Variants in C1orf159 observed in about 807,000 individuals in gnomAD.
The protein encoded by C1orf159 is chromosome 1 open reading frame 159, also known as uncharacterized protein C1orf159.
A neutral mutation model predicts 25.6 loss-of-function variants in C1orf159; 19 were observed. The observed-to-expected ratio is 0.74, with a 90% CI of 0.52 to 1.09. The LOEUF is 1.09. Ranked by LOEUF, C1orf159 falls within the 50% of genes least tolerant of loss-of-function variation. The pLI is 0.00. For missense variants in C1orf159, 274 were observed against 290.6 expected (o/e 0.94, Z 0.42); for synonymous variants, 139 against 124.7 (o/e 1.12, Z -0.77).
chr1:1,102,453 C>G (rs1646114576), intron 1 of C1orf159, among the ~76,000 whole-genome samples: 1 of 150,390 alleles, frequency 6.6e-6, no homozygotes, highest in Admixed American at 6.6e-5. Flanking sequence ...TCTGTTATTT[C>G]CCTTCTGTTA....
chr1:1,095,284 T>C (rs1028171531), intron 1 of C1orf159, among the ~76,000 whole-genome samples: 2 of 152,258 alleles, frequency 1.3e-5, no homozygotes, highest in African/African-American at 2.4e-5. Flanking sequence ...GCCGATGTTT[T>C]AACAGGATTG....
chr1:1,105,596 T>C, intron 1 of C1orf159, among the ~76,000 whole-genome samples: 1 of 152,100 alleles, frequency 6.6e-6, no homozygotes, highest in East Asian at 1.9e-4. Context: ...AAATAATAAG[T>C]GTGGACCACG....
chr1:1,082,993 A>G lies in C1orf159; in HGVS notation c.503-6T>C. ...GACGTAGCGCGGCTTCCGTACTGAA[A>G]CGGGTCAGAGACAGGCGAGGTCAGA... On this transcript the variant is annotated splice_region_variant and splice_polypyrimidine_tract_variant and intron_variant, in intron 9 of 9. Transcript: ENST00000421241. The G allele has an allele frequency of 6.3e-7, 1 of 1,589,174 alleles. No homozygotes were observed. Among genetic ancestry groups the G allele is most frequent in the Non-Finnish European group, 8.6e-7 (1 of 1,167,592 alleles).
chr1:1,091,066 T>A, intron 3 of C1orf159: 1 of 1,175,386 alleles, frequency 8.5e-7, no homozygotes, highest in Non-Finnish European at 1.2e-6. Context: ...GGGGCCCAGG[T>A]CCGGTCCCTC....
chr1:1,113,075 A>C (rs1350366745), intron 1 of C1orf159, among the ~76,000 whole-genome samples: 2 of 152,118 alleles, frequency 1.3e-5, no homozygotes, highest in Non-Finnish European at 2.9e-5. Flanking sequence ...AGGCACCTGT[A>C]GTCCCAGCTA....
At chr1:1,111,481 G>A (rs12723165) in intron 1 of C1orf159, among the ~76,000 whole-genome samples, 15,603 of 152,134 alleles carry the variant, frequency 0.1, 950 homozygotes, top group East Asian at 0.21. Flanking sequence ...GCTACAGTGA[G>A]CCATGATCGC....
chr1:1,108,024 G>A (rs1385471150), intron 1 of C1orf159, among the ~76,000 whole-genome samples: 4 of 152,184 alleles, frequency 2.6e-5, no homozygotes, highest in African/African-American at 7.2e-5. Context: ...GTGAGACCAA[G>A]AATCCACCAA....
At chr1:1,102,525 A>G (rs1646115273) in intron 1 of C1orf159, among the ~76,000 whole-genome samples, 1 of 149,180 alleles carries the variant, frequency 6.7e-6, no homozygotes, top group Admixed American at 6.8e-5. Context: ...CACGCCTGTA[A>G]TCCCAGCACC....
intron 1 of C1orf159, among the ~76,000 whole-genome samples, chr1:1,111,883 CT>C (rs1344906528): frequency 1.3e-5 from 2 of 152,260 alleles, no homozygotes; most frequent in African/African-American, 2.4e-5. Context: ...TAAGAACTGT[CT>C]GGGGCCTCTC....
At chr1:1,107,032 A>C (rs1279828379) in intron 1 of C1orf159, among the ~76,000 whole-genome samples, 4 of 152,062 alleles carry the variant, frequency 2.6e-5, no homozygotes, top group South Asian at 2.1e-4. Flanking sequence ...GCCATGCCCG[A>C]GGCCCCCCGC....
intron 1 of C1orf159, among the ~76,000 whole-genome samples, chr1:1,097,354 C>G (rs535558453): frequency 6.6e-6 from 1 of 152,250 alleles, no homozygotes; most frequent in East Asian, 1.9e-4. Context: ...ATCCGCCCAC[C>G]TTGGCATCCC....
rs1023927813 is a variant in C1orf159, at chr1:1,089,583, G to C, written c.148+770C>G. The stretch of plus-strand genomic sequence containing the variant: ...AGCCTCACTGGCTGCCACAGCCGCC[G>C]TCTTGACCACGCCCTCCTCACGAGG... On this transcript the variant is annotated intron_variant, in intron 4 of 9. Coordinates refer to ENST00000421241, the MANE Select transcript of C1orf159 (RefSeq NM_017891.5). The surrounding 1 kb of genome is among the most constrained non-coding windows in gnomAD (Gnocchi z 7.5). Among the ~76,000 whole-genome samples, 1 of 152,064 alleles carries C rather than the reference G, an allele frequency of 6.6e-6. No homozygotes were observed. Among genetic ancestry groups the C allele is most frequent in the African/African-American group, 2.4e-5 (1 of 41,380 alleles).
At position 1,086,137 on chromosome 1, in the gene C1orf159, G is replaced by A. The variant is rs907247961; in HGVS notation, c.311-125C>T. ...AACATGCCTGAGCCTCACGGGACCG[G>A]CTGTGGGTGCCGAGGGCTCTGCACA... On this transcript the variant is annotated intron_variant, in intron 6 of 9. Coordinates refer to ENST00000421241, the MANE Select transcript of C1orf159 (RefSeq NM_017891.5). 4.1e-6 allele frequency: 5 copies of A among 1,216,542 alleles called. No individual in the cohort carries two copies. The African/African-American group carries it at 7.6e-5, about 18-fold the overall frequency. 75.4% of individuals were successfully genotyped at this position (1,216,542 alleles called of 1,614,324 possible).
chr1:1,083,773 G>T, intron 9 of C1orf159: 1 of 757,526 alleles, frequency 1.3e-6, no homozygotes, highest in Non-Finnish European at 2.1e-6. Flanking sequence ...TCCCCTAAAG[G>T]CACGGTCACC....
intron 1 of C1orf159, among the ~76,000 whole-genome samples, chr1:1,114,340 G>T (rs1261793504): frequency 6.6e-6 from 1 of 152,106 alleles, no homozygotes. Flanking sequence ...CCCATGCCTG[G>T]ATAATATTTT....
chr1:1,088,317 C>T (rs1397854790), intron 4 of C1orf159, among the ~76,000 whole-genome samples: 1 of 68,072 alleles, frequency 1.5e-5, no homozygotes, highest in East Asian at 4.1e-4. Flanking sequence ...AGGACCCCCC[C>T]ACGGCCTCCC....
At chr1:1,095,508 C>T (rs1304072724) in intron 1 of C1orf159, among the ~76,000 whole-genome samples, 4 of 152,214 alleles carry the variant, frequency 2.6e-5, no homozygotes, top group East Asian at 1.9e-4. Flanking sequence ...AACTTTGCAC[C>T]TTAGCCTTGA....
rs1032612310 is a variant in C1orf159 at position 1,089,331 on chromosome 1, C to T, written c.148+1022G>A. Among the ~76,000 whole-genome samples, 4 of 152,152 alleles carry T rather than the reference C, an allele frequency of 2.6e-5. No homozygotes were observed. Among genetic ancestry groups the T allele is most frequent in the Non-Finnish European group, 4.4e-5 (3 of 68,016 alleles). On this transcript the variant is annotated intron_variant, in intron 4 of 9. Coordinates refer to ENST00000421241, the MANE Select transcript of C1orf159 (RefSeq NM_017891.5). This position sits in a 1 kb window ranked among gnomAD's most constrained non-coding sequence, Gnocchi z 7.5. The stretch of plus-strand genomic sequence containing the variant: ...CAATCCCTCACAGGAGACGCCACGG[C>T]CCCAGCACTCTTGCTGCCATGGGGT...
intron 1 of C1orf159, among the ~76,000 whole-genome samples, chr1:1,108,447 C>T (rs1460101251): frequency 2.3e-5 from 3 of 127,750 alleles, no homozygotes; most frequent in African/African-American, 6.7e-5. Context: ...CACCATGTCT[C>T]GACACCGTTC....
Sources: allele counts gnomAD v4.1 joint callset (sites outside exome capture counted in the v4.1 genomes callset), GRCh38; gene constraint gnomAD v4.1.1; non-coding constraint Gnocchi (gnomAD v3.1); transcripts MANE v1.5; gene names NCBI Gene and HGNC (gene_info 2026-07-23, HGNC 2026-07-21).